Variants in CCL26 observed in about 807,000 individuals in gnomAD.
The protein encoded by CCL26 is C-C motif chemokine 26.
Under a neutral mutation model 10.7 loss-of-function variants are expected in CCL26, and 10 were observed. The observed-to-expected ratio is 0.93, with a 90% CI of 0.57 to 1.58. The LOEUF is 1.58. Among genes scored for constraint, CCL26 ranks in the 40% most tolerant of loss-of-function variants. The probability of loss-of-function intolerance (pLI) is 0.00; values close to 1 mark genes in which losing one functional copy is unlikely to be tolerated. For missense variants in CCL26, 116 were observed against 111.0 expected (o/e 1.05, Z -0.20); for synonymous variants, 43 against 41.4 (o/e 1.04, Z -0.15).
upstream of CCL26, among the ~76,000 whole-genome samples, chr7:75,775,278 A>C (rs1444187130): frequency 2.6e-5 from 4 of 152,074 alleles, no homozygotes; most frequent in Non-Finnish European, 5.9e-5. Flanking sequence ...TCTTCTACCT[A>C]TTGACCCTGT....
At chr7:75,779,614 A>C (rs1459133242) in intron 1 of CCL26, among the ~76,000 whole-genome samples, 1 of 152,130 alleles carries the variant, frequency 6.6e-6, no homozygotes, top group African/African-American at 2.4e-5. Flanking sequence ...TTATCCGTGG[A>C]CCCAAAACTC....
At position 75,769,750 on chromosome 7, in the gene CCL26, T is replaced by C. The variant is rs370745069; in HGVS notation, c.228A>G (p.Pro76=). 38 of 1,612,456 alleles carry C rather than the reference T, an allele frequency of 2.4e-5. No homozygotes were observed. The highest frequency in any genetic ancestry group is 3.1e-5 in the Non-Finnish European group (37 of 1,178,558). The change falls in exon 3 of 3, where the codon CCA becomes CCG. Residue 76 remains proline (P), a synonymous_variant. Coordinates refer to ENST00000005180, the MANE Select transcript of CCL26 (RefSeq NM_001371938.1). Reference sequence around the variant, plus strand: ...TGTATTTTTGCACCCATTTTTTCCTTGGATGGGTACAGACTTTCTTGCCTC... The same window carrying C: ...TGTATTTTTGCACCCATTTTTTCCTCGGATGGGTACAGACTTTCTTGCCTC... The part of the protein sequence containing the change: ...TKRGKKVCTH[P]RKKWVQKYIS...
chr7:75,773,165 G>A (rs1159879828), upstream of CCL26, among the ~76,000 whole-genome samples: 3 of 151,940 alleles, frequency 2.0e-5, no homozygotes, highest in African/African-American at 7.3e-5. Context: ...AATCACCCGA[G>A]GCTTAAAACA....
At chr7:75,779,842 T>G (rs1414976737) in intron 1 of CCL26, among the ~76,000 whole-genome samples, 1 of 152,064 alleles carries the variant, frequency 6.6e-6, no homozygotes, top group Non-Finnish European at 1.5e-5. Context: ...CCCCACCCCT[T>G]CTCTCTGTGT....
At position 75,781,202 on chromosome 7, in the gene CCL26, T is replaced by A. The variant is rs145156986; in HGVS notation, c.-79+8515A>T. ...ATTAAATAAAACTCCAAAAATTAAA[T>A]TCTGGCCCTCAAACCCCACGACAGG... On this transcript the variant is annotated intron_variant, in intron 1 of 3. Transcript: ENST00000394905. 7.7e-4 allele frequency among the ~76,000 whole-genome samples: 118 copies of A among 152,336 alleles called. 1 individual carries two copies. In the East Asian group the frequency reaches 0.022, roughly 28 times the overall value.
At chr7:75,789,780 T>C (rs1029275755) in exon 1 of CCL26, 7 of 152,294 alleles carry the variant, frequency 4.6e-5, no homozygotes, top group East Asian at 3.9e-4. Flanking sequence ...TTGCTAGTGC[T>C]GCTCCAGTCC....
intron 1 of CCL26, among the ~76,000 whole-genome samples, chr7:75,784,352 G>T (rs532297081): frequency 2.0e-5 from 3 of 152,162 alleles, no homozygotes; most frequent in South Asian, 2.1e-4. Context: ...CTGGCCCAAG[G>T]CTCTCTGACT....
chr7:75,790,084 C>T (rs1803291314), upstream of CCL26, among the ~76,000 whole-genome samples: 1 of 136,070 alleles, frequency 7.3e-6, no homozygotes, highest in Admixed American at 8.4e-5. Context: ...TTTCTTCCTT[C>T]TTCCCCAGCT....
intron 1 of CCL26, among the ~76,000 whole-genome samples, chr7:75,786,377 GC>G (rs1803184513): frequency 6.6e-6 from 1 of 152,074 alleles, no homozygotes; most frequent in Admixed American, 6.6e-5. Context: ...CTACCGCTCT[GC>G]CTCCCTCCAC....
At chr7:75,772,598 A>C (rs1278319448), upstream of CCL26, among the ~76,000 whole-genome samples, 1 of 150,936 alleles carries the variant, frequency 6.6e-6, no homozygotes, top group Non-Finnish European at 1.5e-5. Context: ...TGGAGGTTGC[A>C]GTGAGCTGAG....
At chr7:75,774,942 G>A (rs7804975), upstream of CCL26, among the ~76,000 whole-genome samples, 43,056 of 151,294 alleles carry the variant, frequency 0.28, 6,524 homozygotes, top group African/African-American at 0.39. Context: ...ATTATTGGTC[G>A]GGCCCGGTGG....
intron 1 of CCL26, among the ~76,000 whole-genome samples, chr7:75,783,004 T>C (rs1803099148): frequency 6.6e-6 from 1 of 152,098 alleles, no homozygotes; most frequent in African/African-American, 2.4e-5. Flanking sequence ...CATCCTTCTA[T>C]CACCTCCCCT....
upstream of CCL26, among the ~76,000 whole-genome samples, chr7:75,791,013 C>CTTTTTTTTTTTTTTTTTTTT (rs35608337): frequency 3.0e-5 from 4 of 134,354 alleles, no homozygotes; most frequent in Non-Finnish European, 3.2e-5. Context: ...GAAACTCCTC[C>CTTTTTTTTTTTTTTTTTTTT]TTTTTTTTTT....
chr7:75,780,307 A>G (rs968974221), intron 1 of CCL26, among the ~76,000 whole-genome samples: 54 of 151,410 alleles, frequency 3.6e-4, no homozygotes, highest in African/African-American at 1.1e-3. Flanking sequence ...ACAAGCACCC[A>G]CTAACTTTTC....
At chr7:75,785,768 T>C (rs1803170495) in intron 1 of CCL26, among the ~76,000 whole-genome samples, 1 of 152,194 alleles carries the variant, frequency 6.6e-6, no homozygotes, top group African/African-American at 2.4e-5. Context: ...TGAAGACAGC[T>C]TTAGAGACTG....
upstream of CCL26, among the ~76,000 whole-genome samples, chr7:75,790,698 C>T (rs1185348451): frequency 2.0e-5 from 3 of 152,088 alleles, no homozygotes. Flanking sequence ...AATCCCAGCA[C>T]TGTGGGAGGC....
chr7:75,773,292 C>T (rs1250981558), upstream of CCL26, among the ~76,000 whole-genome samples: 4 of 151,936 alleles, frequency 2.6e-5, no homozygotes, highest in Admixed American at 6.6e-5. Context: ...GGCACGGTGG[C>T]GGGCACCTGT....
Position 75,772,022 on chromosome 7 carries a change from A to T in CCL26, c.74-19T>A, listed in dbSNP as rs782261508. 6 of 1,608,400 alleles carry T rather than the reference A, an allele frequency of 3.7e-6. No homozygotes were observed. In the South Asian group the frequency reaches 6.6e-5, roughly 18 times the overall value. ...CTCCCACCTAAAAATCAGGGAGAGG[A>T]AGGGTTTGGAGATACTCATTTCCAT... On this transcript the variant is annotated intron_variant, in intron 1 of 2. Coordinates refer to ENST00000005180, the MANE Select transcript of CCL26 (RefSeq NM_001371938.1).
chr7:75,783,306 C>A (rs1158668720), intron 1 of CCL26, among the ~76,000 whole-genome samples: 3 of 152,086 alleles, frequency 2.0e-5, no homozygotes, highest in African/African-American at 7.2e-5. Context: ...AGAGTTTTTT[C>A]TCTAGCCCAA....
Sources: allele counts gnomAD v4.1 joint callset (sites outside exome capture counted in the v4.1 genomes callset), GRCh38; gene constraint gnomAD v4.1.1; transcripts MANE v1.5; gene names NCBI Gene and HGNC (gene_info 2026-07-23, HGNC 2026-07-21).